Variants in ACSBG1 observed in about 807,000 individuals in gnomAD.
The protein encoded by ACSBG1 is long-chain-fatty-acid--CoA ligase ACSBG1.
A neutral mutation model predicts 80.2 loss-of-function variants in ACSBG1; 39 were observed. The ratio of observed to expected loss-of-function variants is 0.49; its 90% CI spans 0.38 to 0.64. ACSBG1 has a LOEUF of 0.64. Among genes scored for constraint, ACSBG1 ranks in the 30% least tolerant of loss-of-function variants. The pLI is 0.00. For missense variants in ACSBG1, 828 were observed against 966.4 expected (o/e 0.86, Z 1.90); for synonymous variants, 392 against 379.5 (o/e 1.03, Z -0.38).
chr15:78,228,103 G>C (rs2075418434), intron 1 of ACSBG1, among the ~76,000 whole-genome samples: 1 of 152,180 alleles, frequency 6.6e-6, no homozygotes, highest in African/African-American at 2.4e-5. Context: ...GCCAGAGTCT[G>C]AGCTAGGCCC....
intron 2 of ACSBG1, among the ~76,000 whole-genome samples, chr15:78,203,849 C>A (rs1480524038): frequency 6.6e-6 from 1 of 152,158 alleles, no homozygotes; most frequent in Non-Finnish European, 1.5e-5. Context: ...CGAGAACGGT[C>A]CTGCAGGGCA....
chr15:78,227,936 T>C (rs1277431938), intron 1 of ACSBG1, among the ~76,000 whole-genome samples: 3 of 152,172 alleles, frequency 2.0e-5, no homozygotes, highest in Admixed American at 6.6e-5. Flanking sequence ...ACCTGGAACA[T>C]TGGCTGTTCA....
chr15:78,193,812 C>T (rs1567086466), intron 4 of ACSBG1, 120 bp downstream of exon 4: 1 of 1,452,232 alleles, frequency 6.9e-7, no homozygotes, highest in Middle Eastern at 1.8e-4. Context: ...CAGAAGGCCC[C>T]AGGGAGGAGG....
intron 10 of ACSBG1, among the ~76,000 whole-genome samples, chr15:78,179,296 G>A (rs1002583946): frequency 6.6e-6 from 1 of 152,154 alleles, no homozygotes; most frequent in African/African-American, 2.4e-5. Flanking sequence ...GGGGCACCTG[G>A]GCTATGCAGG....
chr15:78,232,714 T>C (rs1238929891), intron 1 of ACSBG1, among the ~76,000 whole-genome samples: 1 of 151,998 alleles, frequency 6.6e-6, no homozygotes, highest in Non-Finnish European at 1.5e-5. Context: ...GAAGGACTTT[T>C]GCTCTCGTGG....
chr15:78,184,501 C>T (rs28616107), intron 5 of ACSBG1, among the ~76,000 whole-genome samples: 33,301 of 151,920 alleles, frequency 0.22, 5,477 homozygotes, highest in African/African-American at 0.46. Context: ...GGTAATAATA[C>T]TGATAATACT....
rs370832113 is a variant in ACSBG1, at chr15:78,207,315, C to T, written c.232+687G>A. Reference sequence around the variant, plus strand: ...CCCTGCCAAAGCCACCCAAGACACTCGGCCTGGGAGAGCGGCAGCTGGTCT... The same window carrying T: ...CCCTGCCAAAGCCACCCAAGACACTTGGCCTGGGAGAGCGGCAGCTGGTCT... On this transcript the variant is annotated intron_variant, in intron 2 of 13. Coordinates refer to ENST00000258873, the MANE Select transcript of ACSBG1 (RefSeq NM_015162.5). Among the ~76,000 whole-genome samples the T allele has an allele frequency of 1.4e-4, 22 of 152,322 alleles. 1 individual carries two copies. The highest frequency in any genetic ancestry group is 4.1e-4 in the African/African-American group (17 of 41,572).
At chr15:78,209,348 C>T (rs767918218) in intron 1 of ACSBG1, 9 of 436,208 alleles carry the variant, frequency 2.1e-5, no homozygotes, top group African/African-American at 8.0e-5. Context: ...GCCGTTCTTG[C>T]GAAATTTGTG....
At chr15:78,205,077 G>A (rs893653375) in intron 2 of ACSBG1, among the ~76,000 whole-genome samples, 3 of 152,026 alleles carry the variant, frequency 2.0e-5, no homozygotes, top group Non-Finnish European at 4.4e-5. Context: ...TGCTCACCCC[G>A]GGTGCCCTCC....
intron 3 of ACSBG1, among the ~76,000 whole-genome samples, chr15:78,194,263 C>A (rs935360789): frequency 2.0e-5 from 3 of 152,244 alleles, no homozygotes; most frequent in African/African-American, 7.2e-5. Context: ...TTCCAGCCCA[C>A]CCTGAATGTG....
rs1471799434 is a variant in ACSBG1, at chr15:78,174,538, G to T, written c.1703-14C>A. 1 of 1,611,560 alleles carries T rather than the reference G, an allele frequency of 6.2e-7. No homozygotes were observed. Among genetic ancestry groups the T allele is most frequent in the East Asian group, 2.2e-5 (1 of 44,876 alleles). ...TGATGATTAATTCTGGGGAGGCAAGGCCAGGCCCCCGGCACAGAATGTAGT... is the reference window on the plus strand; with the variant it reads ...TGATGATTAATTCTGGGGAGGCAAGTCCAGGCCCCCGGCACAGAATGTAGT... On this transcript the variant is annotated splice_polypyrimidine_tract_variant and intron_variant, in intron 11 of 13. Transcript: ENST00000258873.
At chr15:78,229,202 A>T (rs1205563127) in intron 1 of ACSBG1, among the ~76,000 whole-genome samples, 1 of 152,044 alleles carries the variant, frequency 6.6e-6, no homozygotes, top group African/African-American at 2.4e-5. Flanking sequence ...TTGTTTTGTT[A>T]TATTCTTCAG....
chr15:78,190,930 T>G (rs1320580118), intron 5 of ACSBG1, among the ~76,000 whole-genome samples: 2 of 151,832 alleles, frequency 1.3e-5, no homozygotes, highest in Non-Finnish European at 2.9e-5. Context: ...ATGGGACAAA[T>G]AAAAAAATAG....
chr15:78,214,450 T>C (rs979129039), intron 1 of ACSBG1, among the ~76,000 whole-genome samples: 1 of 152,178 alleles, frequency 6.6e-6, no homozygotes, highest in African/African-American at 2.4e-5. Flanking sequence ...TTATTATTAT[T>C]ATCTTTTGAG....
chr15:78,228,287 T>C (rs1327476318), intron 1 of ACSBG1, among the ~76,000 whole-genome samples: 1 of 152,186 alleles, frequency 6.6e-6, no homozygotes, highest in Non-Finnish European at 1.5e-5. Flanking sequence ...GGTTTTTTTC[T>C]ACCACCACTG....
At chr15:78,218,809 C>CTTTT (rs1188892122) in intron 1 of ACSBG1, among the ~76,000 whole-genome samples, 4 of 37,116 alleles carry the variant, frequency 1.1e-4, no homozygotes, top group African/African-American at 1.9e-4. Flanking sequence ...TATCGCTCTC[C>CTTTT]TTTTTTTTTT....
intron 1 of ACSBG1, among the ~76,000 whole-genome samples, chr15:78,215,516 C>T (rs1242594603): frequency 1.3e-5 from 2 of 152,034 alleles, no homozygotes; most frequent in Non-Finnish European, 2.9e-5. Flanking sequence ...ATTAGCTGGG[C>T]GTGGTGGTGC....
Position 78,171,365 on chromosome 15 carries a change from A to G in ACSBG1, c.*79T>C. On this transcript the variant is annotated 3_prime_UTR_variant, in exon 14 of 14. Transcript: ENST00000258873. ...ACTTGGCAGAAATGCCTGTGCCCAG[A>G]CTGAAGAGACCTGGGGCTCAGGAAG... 1 of 1,227,342 alleles carries G rather than the reference A, an allele frequency of 8.1e-7. No homozygotes were observed. The highest frequency in any genetic ancestry group is 1.2e-6 in the Non-Finnish European group (1 of 848,578). The allele number at this position is 1,227,342 out of a possible 1,614,324, so 76.0% of individuals were successfully genotyped here. A position where few individuals can be genotyped will look rare whatever the true frequency, so the allele number is the denominator to read the frequency against.
At chr15:78,198,549 T>C (rs2075136341) in intron 2 of ACSBG1, among the ~76,000 whole-genome samples, 1 of 151,902 alleles carries the variant, frequency 6.6e-6, no homozygotes, top group African/African-American at 2.4e-5. Context: ...CGTTTCGCCA[T>C]GTTGGCCAGG....
Sources: gnomAD v4.1 joint callset for allele counts (sites outside exome capture counted in the v4.1 genomes callset) on GRCh38, gnomAD v4.1.1 for gene constraint, MANE v1.5 for transcripts, NCBI Gene and HGNC (gene_info 2026-07-23, HGNC 2026-07-21) for gene names.